Variants in COX7B2 observed in about 807,000 individuals in gnomAD.
COX7B2 encodes the protein cytochrome c oxidase subunit 7B2.
For missense variants in COX7B2, 109 were observed against 95.9 expected (o/e 1.14, Z -0.57); for synonymous variants, 37 against 32.1 (o/e 1.15, Z -0.51).
At chr4:46,829,425 T>A (rs1037130520) in intron 2 of COX7B2, among the ~76,000 whole-genome samples, 26 of 152,194 alleles carry the variant, frequency 1.7e-4, no homozygotes, top group Non-Finnish European at 5.9e-5. Context: ...AAATTGTTGA[T>A]ACAACTCTTG....
intron 2 of COX7B2, among the ~76,000 whole-genome samples, chr4:46,831,435 C>T (rs903494345): frequency 2.6e-5 from 4 of 152,170 alleles, no homozygotes; most frequent in Non-Finnish European, 5.9e-5. Context: ...GGAGTGCGGG[C>T]GCATGGCACG....
intron 1 of COX7B2, among the ~76,000 whole-genome samples, chr4:46,858,298 A>C (rs564569221): frequency 6.6e-6 from 1 of 152,020 alleles, no homozygotes; most frequent in East Asian, 1.9e-4. Context: ...GGTTCGCCAT[A>C]TTGGCCATGC....
intron 2 of COX7B2, among the ~76,000 whole-genome samples, chr4:46,803,172 T>C (rs991663650): frequency 1.3e-5 from 2 of 152,216 alleles, no homozygotes; most frequent in Non-Finnish European, 2.9e-5. Flanking sequence ...TTCAGTTTTG[T>C]GATTCTATGG....
chr4:46,869,615 T>A (rs1717866285), intron 1 of COX7B2, among the ~76,000 whole-genome samples: 1 of 152,202 alleles, frequency 6.6e-6, no homozygotes, highest in African/African-American at 2.4e-5. Flanking sequence ...ATCTTATTTC[T>A]CCTTTGCTTA....
At chr4:46,803,385 A>G (rs1225512162) in intron 2 of COX7B2, among the ~76,000 whole-genome samples, 1 of 152,190 alleles carries the variant, frequency 6.6e-6, no homozygotes, top group Non-Finnish European at 1.5e-5. Context: ...TAATTATACT[A>G]AAATAATTAT....
chr4:46,846,106 A>C (rs1205191187), intron 1 of COX7B2, among the ~76,000 whole-genome samples: 1 of 152,074 alleles, frequency 6.6e-6, no homozygotes, highest in Non-Finnish European at 1.5e-5. Flanking sequence ...TGAAGGTAAA[A>C]TAGTTTTGTA....
intron 2 of COX7B2, among the ~76,000 whole-genome samples, chr4:46,774,654 TA>T (rs1471616126): frequency 2.0e-5 from 3 of 152,046 alleles, no homozygotes; most frequent in Admixed American, 1.3e-4. Flanking sequence ...TAAAATTATT[TA>T]TTTTTTTCTC....
At chr4:46,789,848 C>T (rs1354689554) in intron 2 of COX7B2, among the ~76,000 whole-genome samples, 1 of 152,048 alleles carries the variant, frequency 6.6e-6, no homozygotes, top group African/African-American at 2.4e-5. Flanking sequence ...GTGTATCCTA[C>T]TAGCATTTTG....
intron 1 of COX7B2, among the ~76,000 whole-genome samples, chr4:46,906,518 T>C (rs932041011): frequency 1.3e-4 from 20 of 152,232 alleles, no homozygotes; most frequent in African/African-American, 4.8e-4. Flanking sequence ...GTTGAATTTC[T>C]AACTGGTTAA....
At chr4:46,736,939 G>T (rs1168581531) in intron 2 of COX7B2, among the ~76,000 whole-genome samples, 1 of 152,124 alleles carries the variant, frequency 6.6e-6, no homozygotes, top group East Asian at 1.9e-4. Flanking sequence ...GTAGGGTTTT[G>T]TCTGAATATA....
At chr4:46,790,031 T>C (rs986832148) in intron 2 of COX7B2, among the ~76,000 whole-genome samples, 1 of 152,076 alleles carries the variant, frequency 6.6e-6, no homozygotes, top group Non-Finnish European at 1.5e-5. Flanking sequence ...AAAACTTGGT[T>C]TTAGACATCC....
chr4:46,757,053 T>C (rs1411746417), intron 2 of COX7B2, among the ~76,000 whole-genome samples: 1 of 152,072 alleles, frequency 6.6e-6, no homozygotes, highest in Non-Finnish European at 1.5e-5. Context: ...TGTCCATCAA[T>C]AGAGGACTGG....
intron 2 of COX7B2, among the ~76,000 whole-genome samples, chr4:46,827,202 A>T (rs541287719): frequency 6.6e-5 from 10 of 152,068 alleles, no homozygotes; most frequent in African/African-American, 2.2e-4. Context: ...AAAGGCTATA[A>T]TCTTCCCAAA....
At chr4:46,744,736 T>TA (rs1475789985) in intron 2 of COX7B2, among the ~76,000 whole-genome samples, 3 of 148,942 alleles carry the variant, frequency 2.0e-5, no homozygotes, top group South Asian at 4.2e-4. Context: ...AAAGATATTT[T>TA]AATTTTTTTT....
At chr4:46,903,941 G>A (rs2109902487) in intron 1 of COX7B2, 1 of 152,238 alleles carries the variant, frequency 6.6e-6, no homozygotes, top group African/African-American at 2.4e-5. Context: ...AGTTCCTCCA[G>A]GGATTCAGAT....
intron 2 of COX7B2, among the ~76,000 whole-genome samples, chr4:46,758,029 T>G (rs1316404277): frequency 6.6e-6 from 1 of 152,044 alleles, no homozygotes; most frequent in Admixed American, 6.6e-5. Flanking sequence ...TTTATGGTAA[T>G]TTCATTCTAT....
At chr4:46,741,834 C>G (rs1411617974) in intron 2 of COX7B2, among the ~76,000 whole-genome samples, 1 of 152,064 alleles carries the variant, frequency 6.6e-6, no homozygotes, top group African/African-American at 2.4e-5. Context: ...TGTACTGTAA[C>G]AGAGTCTCCA....
intron 2 of COX7B2, among the ~76,000 whole-genome samples, chr4:46,830,030 T>C (rs1436959018): frequency 6.6e-6 from 1 of 151,888 alleles, no homozygotes; most frequent in Admixed American, 6.6e-5. Context: ...ATAGATACTA[T>C]AAAAATGGAT....
chr4:46,880,483 C>G (rs1263507976), intron 1 of COX7B2, among the ~76,000 whole-genome samples: 1 of 141,130 alleles, frequency 7.1e-6, no homozygotes, highest in Non-Finnish European at 1.5e-5. Context: ...CATTATTGGC[C>G]TATGCAGGAA....
Sources: gnomAD v4.1 joint callset for allele counts (sites outside exome capture counted in the v4.1 genomes callset) on GRCh38, gnomAD v4.1.1 for gene constraint, MANE v1.5 for transcripts, NCBI Gene and HGNC (gene_info 2026-07-23, HGNC 2026-07-21) for gene names.